The following NINJ2 variants were observed in gnomAD, a reference collection of about 807,000 sequenced individuals.
The protein encoded by NINJ2 is ninjurin 2.
Under a neutral mutation model 11.7 loss-of-function variants are expected in NINJ2, and 12 were observed. The ratio of observed to expected loss-of-function variants is 1.02; its 90% CI spans 0.66 to 1.66. The LOEUF (loss-of-function observed/expected upper bound fraction) is 1.66, where lower values mean the gene tolerates loss of function less well. NINJ2 is among the 40% of genes most tolerant of loss of function. The pLI, the probability that NINJ2 is intolerant of heterozygous loss-of-function variation, is 0.00. For missense variants in NINJ2, 187 were observed against 181.8 expected, an observed-to-expected ratio of 1.03 and a Z score of -0.16; for synonymous variants, 93 against 76.8, an observed-to-expected ratio of 1.21 and a Z score of -1.10.
At chr12:582,349 G>C (rs1366464627) in intron 1 of NINJ2, among the ~76,000 whole-genome samples, 2 of 123,778 alleles carry the variant, frequency 1.6e-5, no homozygotes, top group Non-Finnish European at 3.4e-5. Flanking sequence ...AGGCAGGCAT[G>C]CTAGAGTGAA....
chr12:630,043 G>A (rs1948260218), intron 1 of NINJ2, among the ~76,000 whole-genome samples: 2 of 150,758 alleles, frequency 1.3e-5, no homozygotes, highest in Non-Finnish European at 3.0e-5. Flanking sequence ...GGACACCCTG[G>A]ATGATGAAAA....
At chr12:638,676 A>G (rs1948383841) in intron 1 of NINJ2, among the ~76,000 whole-genome samples, 1 of 152,186 alleles carries the variant, frequency 6.6e-6, no homozygotes, top group Admixed American at 6.5e-5. Context: ...CGGCCTCCCA[A>G]AGTGCTGGGA....
intron 1 of NINJ2, chr12:643,761 G>T: frequency 1.3e-6 from 1 of 799,316 alleles, no homozygotes; most frequent in South Asian, 5.7e-5. Context: ...CATCATGGGA[G>T]CAGTCAGTCT....
intron 1 of NINJ2, among the ~76,000 whole-genome samples, chr12:568,905 A>G (rs968415138): frequency 9.2e-6 from 1 of 108,494 alleles, no homozygotes; most frequent in Non-Finnish European, 1.7e-5. Context: ...CCGGGTAAGC[A>G]CTGGGCCACA....
chr12:657,101 T>C (rs1460811518), intron 1 of NINJ2, among the ~76,000 whole-genome samples: 2 of 152,244 alleles, frequency 1.3e-5, no homozygotes, highest in Non-Finnish European at 2.9e-5. Context: ...TTACAACTTT[T>C]TGTATACAAT....
In NINJ2 at chr12:581,457, A is replaced by G. The variant is rs1947554359; in HGVS notation, c.34-15279T>C. 6.6e-6 allele frequency among the ~76,000 whole-genome samples: 1 copy of G among 152,154 alleles called. No individual in the cohort carries two copies. Among genetic ancestry groups the G allele is most frequent in the Non-Finnish European group, 1.5e-5 (1 of 68,016 alleles). On this transcript the variant is annotated intron_variant, in intron 1 of 3. Coordinates refer to ENST00000305108, the MANE Select transcript of NINJ2 (RefSeq NM_016533.6). This position sits in a 1 kb window ranked among gnomAD's most constrained non-coding sequence, Gnocchi z 4.9. Reference sequence around the variant, plus strand: ...TCCAAGGAGGCCTGGGCCTGGAACCAGCCTGCCTGGATTGCCTGGCCCTAG... The same window carrying G: ...TCCAAGGAGGCCTGGGCCTGGAACCGGCCTGCCTGGATTGCCTGGCCCTAG...
At chr12:595,290 G>A (rs899746079) in intron 1 of NINJ2, among the ~76,000 whole-genome samples, 41 of 152,198 alleles carry the variant, frequency 2.7e-4, no homozygotes, top group African/African-American at 9.2e-4. Context: ...CATAGGATAG[G>A]ATGACACAGG....
intron 1 of NINJ2, among the ~76,000 whole-genome samples, chr12:588,820 T>C (rs1229762004): frequency 6.6e-6 from 1 of 152,190 alleles, no homozygotes; most frequent in Non-Finnish European, 1.5e-5. Context: ...GTGTAATAGA[T>C]ATGATAGCCT....
chr12:636,044 G>A (rs1386763511), intron 1 of NINJ2, among the ~76,000 whole-genome samples: 5 of 151,296 alleles, frequency 3.3e-5, no homozygotes, highest in East Asian at 3.9e-4. Flanking sequence ...GCCACTGCAC[G>A]CCAGCCCGGG....
chr12:639,494 A>ACT (rs10661798), intron 1 of NINJ2, among the ~76,000 whole-genome samples: 124,288 of 151,780 alleles, frequency 0.82, 51,088 homozygotes, highest in Non-Finnish European at 0.85. Flanking sequence ...CTTTTTTTCT[A>ACT]TTTTGTGTAT....
At chr12:609,947 A>T (rs1489920169) in intron 1 of NINJ2, among the ~76,000 whole-genome samples, 3 of 72,464 alleles carry the variant, frequency 4.1e-5, no homozygotes, top group South Asian at 8.9e-4. Flanking sequence ...CCTGTCTTAA[A>T]AAAAAAAAAA....
intron 1 of NINJ2, among the ~76,000 whole-genome samples, chr12:621,874 C>T (rs1948157104): frequency 6.6e-6 from 1 of 151,922 alleles, no homozygotes; most frequent in Non-Finnish European, 1.5e-5. Flanking sequence ...TGGCTCACAC[C>T]TGTAATCCCA....
rs577602523 is a variant in NINJ2 at position 567,599 on chromosome 12, G to A, written c.34-1421C>T. 4.6e-5 allele frequency among the ~76,000 whole-genome samples: 7 copies of A among 152,320 alleles called. No individual in the cohort carries two copies. The South Asian group carries it at 1.5e-3, about 32-fold the overall frequency. On this transcript the variant is annotated intron_variant, in intron 1 of 3. Coordinates refer to ENST00000305108, the MANE Select transcript of NINJ2 (RefSeq NM_016533.6). The stretch of plus-strand genomic sequence containing the variant: ...CTTGTACTTCGTGCAGCCCCAGCAA[G>A]TCACTTCACTTCTCTGTACCTCAGG...
chr12:575,187 C>T (rs1209941961), intron 1 of NINJ2, among the ~76,000 whole-genome samples: 1 of 152,228 alleles, frequency 6.6e-6, no homozygotes, highest in Non-Finnish European at 1.5e-5. Flanking sequence ...CTTCGAGCCG[C>T]CTGCAGGAAG....
At chr12:637,497 T>C (rs903214690) in intron 1 of NINJ2, among the ~76,000 whole-genome samples, 51 of 149,786 alleles carry the variant, frequency 3.4e-4, no homozygotes, top group African/African-American at 1.2e-3. Flanking sequence ...AAAAATTAGC[T>C]GGGCATGGTG....
chr12:658,574 TA>T (rs947491263), intron 1 of NINJ2, among the ~76,000 whole-genome samples: 6 of 152,168 alleles, frequency 3.9e-5, no homozygotes, highest in African/African-American at 1.4e-4. Flanking sequence ...CAGTCATTGC[TA>T]GGGGTTCAGA....
At chr12:595,699 G>A (rs1947775988) in intron 1 of NINJ2, among the ~76,000 whole-genome samples, 1 of 152,066 alleles carries the variant, frequency 6.6e-6, no homozygotes, top group Non-Finnish European at 1.5e-5. Context: ...GTTGCGGTGA[G>A]CCAAGATCAT....
intron 1 of NINJ2, among the ~76,000 whole-genome samples, chr12:613,466 G>A (rs1948057445): frequency 6.6e-6 from 1 of 152,072 alleles, no homozygotes; most frequent in African/African-American, 2.4e-5. Context: ...AAAATTAGCT[G>A]GGCATAGTGG....
chr12:632,638 AAACACTGAATGAAGAG>A (rs756643329), intron 1 of NINJ2: 186 of 152,356 alleles, frequency 1.2e-3, no homozygotes, highest in Middle Eastern at 3.4e-3. Context: ...CAGTGTGAGA[AAACACTGAATGAAGAG>A]AAGTACTAGG....
Sources: gnomAD v4.1 joint callset for allele counts (sites outside exome capture counted in the v4.1 genomes callset) on GRCh38, gnomAD v4.1.1 for gene constraint, Gnocchi (gnomAD v3.1) non-coding constraint, MANE v1.5 for transcripts, NCBI Gene and HGNC (gene_info 2026-07-23, HGNC 2026-07-21) for gene names.